The following TBC1D19 variants were observed in gnomAD, a reference collection of about 807,000 sequenced individuals.
TBC1D19 encodes TBC1 domain family, member 19.
Under a neutral mutation model 89.0 loss-of-function variants are expected in TBC1D19, and 60 were observed. That is an observed-to-expected ratio of 0.67 (90% CI 0.55 to 0.84). The LOEUF (loss-of-function observed/expected upper bound fraction) is 0.84, where lower values mean the gene tolerates loss of function less well. Ranked by LOEUF, TBC1D19 falls within the 40% of genes least tolerant of loss-of-function variation. TBC1D19 has a pLI of 0.00. For synonymous variants in TBC1D19, 189 were observed against 199.7 expected (o/e 0.95, Z 0.45); for missense variants, 500 against 610.8 (o/e 0.82, Z 1.91).
the TBC1D19 span, among the ~76,000 whole-genome samples, chr4:26,834,480 G>T: frequency 6.6e-6 from 1 of 152,048 alleles, no homozygotes; most frequent in South Asian, 2.1e-4. Flanking sequence ...GGGGGCATCA[G>T]ATTTTCTCTC....
intron 1 of TBC1D19, among the ~76,000 whole-genome samples, chr4:26,588,260 C>G (rs1017410008): frequency 6.6e-6 from 1 of 151,976 alleles, no homozygotes; most frequent in African/African-American, 2.4e-5. Flanking sequence ...CTCCTGACCT[C>G]GTGATCCGCC....
chr4:26,819,564 A>G, the TBC1D19 span, among the ~76,000 whole-genome samples: 3 of 152,222 alleles, frequency 2.0e-5, no homozygotes, highest in African/African-American at 4.8e-5. Context: ...AGCCACAGTC[A>G]TCATCATGGC....
chr4:26,707,325 C>A (rs1459850280), intron 13 of TBC1D19, among the ~76,000 whole-genome samples: 2 of 151,898 alleles, frequency 1.3e-5, no homozygotes, highest in Non-Finnish European at 2.9e-5. Context: ...TATTTAAAGT[C>A]TATTTTGTGT....
chr4:26,788,157 TG>T, the TBC1D19 span, among the ~76,000 whole-genome samples: 357 of 152,204 alleles, frequency 2.3e-3, 9 homozygotes, highest in East Asian at 0.048. Flanking sequence ...CAGGTGACTA[TG>T]GGATCCCAGG....
chr4:26,625,497 T>C (rs1384335744), intron 4 of TBC1D19, among the ~76,000 whole-genome samples: 2 of 152,170 alleles, frequency 1.3e-5, no homozygotes, highest in Non-Finnish European at 2.9e-5. Context: ...TGAGCCATAT[T>C]GGTTGATACA....
At chr4:26,657,803 T>C (rs1224669583) in intron 7 of TBC1D19, among the ~76,000 whole-genome samples, 1 of 152,242 alleles carries the variant, frequency 6.6e-6, no homozygotes, top group Non-Finnish European at 1.5e-5. Context: ...TGGTTTCTCA[T>C]TGTGGTTTTG....
chr4:26,671,582 T>TA (rs904018058), intron 9 of TBC1D19, among the ~76,000 whole-genome samples: 2 of 151,802 alleles, frequency 1.3e-5, no homozygotes, highest in African/African-American at 4.8e-5. Context: ...GATTTCTACT[T>TA]AAAAAAATCT....
At chr4:26,851,610 T>C in the TBC1D19 span, among the ~76,000 whole-genome samples, 127,930 of 152,194 alleles carry the variant, frequency 0.84, 53,998 homozygotes, top group Middle Eastern at 0.98. Context: ...ACTTTTTGGC[T>C]ATTAAACTAA....
At position 26,667,679 on chromosome 4, in the gene TBC1D19, A is replaced by C. The variant is rs1206115066; in HGVS notation, c.664+1274A>C. On this transcript the variant is annotated intron_variant, in intron 9 of 20. Coordinates refer to ENST00000264866, the MANE Select transcript of TBC1D19 (RefSeq NM_018317.4). ...CATTCTAGTATGTGTTTTTTGGTGA[A>C]CGTATCTATATTCTGCTGTGGAGTA... 2.0e-5 allele frequency among the ~76,000 whole-genome samples: 3 copies of C among 152,086 alleles called. No individual in the cohort carries two copies. The East Asian group carries it at 5.8e-4, about 29-fold the overall frequency.
intron 15 of TBC1D19, among the ~76,000 whole-genome samples, chr4:26,726,015 G>T (rs1022910767): frequency 1.3e-5 from 2 of 152,070 alleles, no homozygotes; most frequent in Admixed American, 1.3e-4. Context: ...TCATAAATTT[G>T]TTAATACCAT....
chr4:26,707,125 T>C (rs1194759429), intron 13 of TBC1D19, among the ~76,000 whole-genome samples: 1 of 152,084 alleles, frequency 6.6e-6, no homozygotes, highest in African/African-American at 2.4e-5. Flanking sequence ...CTATCCATCA[T>C]TGAGAATAGG....
intron 15 of TBC1D19, among the ~76,000 whole-genome samples, chr4:26,732,076 G>T (rs1717700970): frequency 6.6e-6 from 1 of 152,018 alleles, no homozygotes; most frequent in Non-Finnish European, 1.5e-5. Context: ...TTATGTGTAA[G>T]AATATTCGTA....
chr4:26,587,594 G>T (rs1157299535), intron 1 of TBC1D19, among the ~76,000 whole-genome samples: 4 of 139,754 alleles, frequency 2.9e-5, no homozygotes, highest in Non-Finnish European at 6.3e-5. Context: ...AAAAAAAAAA[G>T]ATATTTCTTT....
chr4:26,801,226 G>A, the TBC1D19 span, among the ~76,000 whole-genome samples: 1 of 151,992 alleles, frequency 6.6e-6, no homozygotes, highest in Admixed American at 6.5e-5. Flanking sequence ...TTCTACATAT[G>A]GCTAGCCAGT....
intron 15 of TBC1D19, among the ~76,000 whole-genome samples, chr4:26,733,548 C>T (rs535510868): frequency 4.6e-5 from 7 of 152,260 alleles, no homozygotes; most frequent in African/African-American, 7.2e-5. Context: ...ATGCCCTTAT[C>T]GCAACAGGTT....
At chr4:26,719,055 T>C (rs536770515) in intron 14 of TBC1D19, among the ~76,000 whole-genome samples, 136 of 152,210 alleles carry the variant, frequency 8.9e-4, no homozygotes, top group African/African-American at 3.1e-3. Context: ...ACCCATCATC[T>C]ATTTCTCTCT....
chr4:26,837,130 G>T, the TBC1D19 span, among the ~76,000 whole-genome samples: 622 of 152,248 alleles, frequency 4.1e-3, 10 homozygotes, highest in African/African-American at 0.014. Context: ...TTTGGTTAGG[G>T]CATAGTGAAT....
At chr4:26,645,011 A>G (rs780299122) in intron 7 of TBC1D19, among the ~76,000 whole-genome samples, 1 of 152,226 alleles carries the variant, frequency 6.6e-6, no homozygotes, top group Non-Finnish European at 1.5e-5. Context: ...AGTGAGGCAC[A>G]AACAAATGGA....
At chr4:26,587,549 C>T (rs1739489849) in intron 1 of TBC1D19, among the ~76,000 whole-genome samples, 1 of 147,444 alleles carries the variant, frequency 6.8e-6, no homozygotes, top group Non-Finnish European at 1.5e-5. Flanking sequence ...TGCACTTCAG[C>T]CTGGGTGATA....
Sources: allele counts gnomAD v4.1 joint callset (sites outside exome capture counted in the v4.1 genomes callset), GRCh38; gene constraint gnomAD v4.1.1; transcripts MANE v1.5; gene names NCBI Gene and HGNC (gene_info 2026-07-23, HGNC 2026-07-21).